Variants in BTBD8 observed in about 807,000 individuals in gnomAD.
BTBD8 encodes the protein BTB domain containing 8.
BTBD8 carries 110 observed loss-of-function variants against 162.9 expected under a neutral mutation model. That is an observed-to-expected ratio of 0.68 (90% CI 0.58 to 0.79). The LOEUF (loss-of-function observed/expected upper bound fraction) is 0.79. BTBD8 is among the 30% of genes least tolerant of loss of function. The pLI is 0.00. For synonymous variants in BTBD8, 667 were observed against 716.1 expected, an observed-to-expected ratio of 0.93 and a Z score of 1.10; for missense variants, 1,905 against 2,085.4, an observed-to-expected ratio of 0.91 and a Z score of 1.68.
chr1:92,097,346 A>G (rs996481789), intron 2 of BTBD8, among the ~76,000 whole-genome samples: 1 of 150,874 alleles, frequency 6.6e-6, no homozygotes, highest in Non-Finnish European at 1.5e-5. Flanking sequence ...TATCTATCAC[A>G]CTCTTGCCAA....
chr1:92,142,679 G>C (rs1649805853), intron 7 of BTBD8, among the ~76,000 whole-genome samples: 1 of 152,234 alleles, frequency 6.6e-6, no homozygotes, highest in Non-Finnish European at 1.5e-5. Flanking sequence ...AGTTAGAGGA[G>C]ACTGATACAG....
intron 4 of BTBD8, among the ~76,000 whole-genome samples, chr1:92,121,731 C>T (rs1382629605): frequency 1.3e-5 from 2 of 152,176 alleles, no homozygotes; most frequent in Non-Finnish European, 2.9e-5. Flanking sequence ...ACCTTCAGTA[C>T]CTATCCCTAC....
At chr1:92,108,360 A>G (rs906087109) in intron 4 of BTBD8, among the ~76,000 whole-genome samples, 1 of 152,270 alleles carries the variant, frequency 6.6e-6, no homozygotes, top group Admixed American at 6.5e-5. Flanking sequence ...AGCCACTGTC[A>G]TAGAAAATGT....
At chr1:92,163,001 A>G (rs1201499590) in intron 9 of BTBD8, among the ~76,000 whole-genome samples, 1 of 152,170 alleles carries the variant, frequency 6.6e-6, no homozygotes, top group Non-Finnish European at 1.5e-5. Flanking sequence ...TGGCTATTAA[A>G]ACAAATATAT....
chr1:92,092,120 G>C (rs1648321187), intron 2 of BTBD8, among the ~76,000 whole-genome samples: 1 of 152,144 alleles, frequency 6.6e-6, no homozygotes, highest in Non-Finnish European at 1.5e-5. Context: ...GAAGACTTAG[G>C]GCGGGTACAG....
At chr1:92,146,456 C>T (rs1649922674) in intron 7 of BTBD8, among the ~76,000 whole-genome samples, 1 of 152,212 alleles carries the variant, frequency 6.6e-6, no homozygotes, top group Non-Finnish European at 1.5e-5. Flanking sequence ...TACAGTTACA[C>T]ATTATCATCC....
At chr1:92,135,426 G>A (rs936817140) in intron 5 of BTBD8, among the ~76,000 whole-genome samples, 3 of 152,158 alleles carry the variant, frequency 2.0e-5, no homozygotes, top group Non-Finnish European at 2.9e-5. Flanking sequence ...AGTAATCTAC[G>A]TTCATGTTTA....
In BTBD8 at chr1:92,088,968, A is replaced by G. The variant is rs1330729907; in HGVS notation, c.347+73A>G. On this transcript the variant is annotated intron_variant, in intron 2 of 17. Coordinates refer to ENST00000636805, the MANE Select transcript of BTBD8 (RefSeq NM_001376131.1). ...TTTAACATGTATGTTTTTATTTAAT[A>G]TATTTTCATATGTATTTTGTAACCT... 10 of 1,265,530 alleles carry G rather than the reference A, an allele frequency of 7.9e-6. No homozygotes were observed. The Admixed American group carries it at 2.5e-4, about 32-fold the overall frequency. The allele number at this position is 1,265,530 out of a possible 1,614,324, so 78.4% of individuals were successfully genotyped here. A position where few individuals can be genotyped will look rare whatever the true frequency, so the allele number is the denominator to read the frequency against.
At chr1:92,135,091 A>C (rs916957693) in intron 5 of BTBD8, among the ~76,000 whole-genome samples, 5 of 151,824 alleles carry the variant, frequency 3.3e-5, no homozygotes, top group Admixed American at 2.6e-4. Flanking sequence ...GGGTTTCTCC[A>C]TGTTGATCAG....
Position 92,129,796 on chromosome 1 carries a change from G to T in BTBD8, c.752+20G>T. ...TCAAGGGTAAGCATATTTTTACAGG[G>T]CCATTTGACTGCAAATGATTGTAAA... On this transcript the variant is annotated intron_variant, in intron 5 of 17. Transcript: ENST00000636805. 3 of 1,572,060 alleles carry T rather than the reference G, an allele frequency of 1.9e-6. No homozygotes were observed. Among genetic ancestry groups the T allele is most frequent in the Non-Finnish European group, 2.6e-6 (3 of 1,142,050 alleles).
chr1:92,131,123 T>A lies in BTBD8; in HGVS notation c.752+1347T>A, dbSNP rs908633450. Among the ~76,000 whole-genome samples the A allele has an allele frequency of 1.1e-4, 16 of 152,228 alleles. 1 individual carries two copies. The highest frequency in any genetic ancestry group is 3.9e-4 in the African/African-American group (16 of 41,460). On this transcript the variant is annotated intron_variant, in intron 5 of 17. Coordinates refer to ENST00000636805, the MANE Select transcript of BTBD8 (RefSeq NM_001376131.1). ...ACTGACCTTGCCAGAAGGACTATGCTGGAGACATTTCCAAAGAAGGTTTTC... is the reference window on the plus strand; with the variant it reads ...ACTGACCTTGCCAGAAGGACTATGCAGGAGACATTTCCAAAGAAGGTTTTC...
At chr1:92,113,458 GA>G (rs1182192750) in intron 4 of BTBD8, among the ~76,000 whole-genome samples, 1 of 152,236 alleles carries the variant, frequency 6.6e-6, no homozygotes, top group Admixed American at 6.5e-5. Context: ...GAGTGAAGGA[GA>G]AAGAGAAGGA....
chr1:92,102,776 T>A lies in BTBD8; in HGVS notation c.544+107T>A, dbSNP rs919662890. 6.5e-6 allele frequency: 7 copies of A among 1,074,620 alleles called. No individual in the cohort carries two copies. In the African/African-American group the frequency reaches 8.2e-5, roughly 13 times the overall value. The allele number at this position is 1,074,620 out of a possible 1,614,324, so 66.6% of individuals were successfully genotyped here. A position where few individuals can be genotyped will look rare whatever the true frequency, so the allele number is the denominator to read the frequency against. ...AAATATGCTTTACTGATTTTTTTTT[T>A]AATAAGCATGGAGAACTGAAAACAC... On this transcript the variant is annotated intron_variant, in intron 3 of 17. Coordinates refer to ENST00000636805, the MANE Select transcript of BTBD8 (RefSeq NM_001376131.1).
chr1:92,126,235 A>C (rs1649355046), intron 4 of BTBD8: 1 of 567,940 alleles, frequency 1.8e-6, no homozygotes, highest in Admixed American at 1.9e-5. Flanking sequence ...GCTATGCTGC[A>C]ACGTTGATAA....
At chr1:92,139,543 C>CCTG (rs1180090690) in intron 6 of BTBD8, 113 bp downstream of exon 6, 1 of 1,397,222 alleles carries the variant, frequency 7.2e-7, no homozygotes, top group Admixed American at 3.4e-5. Context: ...GTCTATTATA[C>CCTG]TATATCTTCA....
intron 11 of BTBD8, among the ~76,000 whole-genome samples, chr1:92,168,551 A>T (rs1243408551): frequency 1.3e-5 from 2 of 152,204 alleles, no homozygotes; most frequent in African/African-American, 4.8e-5. Flanking sequence ...TATCATATTT[A>T]TTACTATTCC....
At chr1:92,138,919 C>CA (rs1464022431) in intron 5 of BTBD8, among the ~76,000 whole-genome samples, 1 of 152,152 alleles carries the variant, frequency 6.6e-6, no homozygotes, top group East Asian at 1.9e-4. Context: ...GAGCCACTGA[C>CA]AGGTGTTACA....
chr1:92,126,486 CT>C, intron 4 of BTBD8: 4 of 684,654 alleles, frequency 5.8e-6, no homozygotes, highest in Non-Finnish European at 7.2e-6. Context: ...TTGGGCCTCC[CT>C]TTTCTCCTCT....
intron 3 of BTBD8, among the ~76,000 whole-genome samples, chr1:92,104,158 A>G (rs1028087518): frequency 2.0e-5 from 3 of 152,228 alleles, no homozygotes; most frequent in African/African-American, 7.2e-5. Flanking sequence ...CATGAATTGT[A>G]TTGGATCAAA....
Sources: gnomAD v4.1 joint callset for allele counts (sites outside exome capture counted in the v4.1 genomes callset) on GRCh38, gnomAD v4.1.1 for gene constraint, MANE v1.5 for transcripts, NCBI Gene and HGNC (gene_info 2026-07-23, HGNC 2026-07-21) for gene names.